IPO11: variants seen among roughly 807,000 people sequenced by gnomAD.
The protein encoded by IPO11 is importin 11.
In IPO11, 66 loss-of-function variants were observed where a neutral mutation model predicts 143.2. The observed-to-expected ratio is 0.46, with a 90% confidence interval of 0.38 to 0.57. The LOEUF is 0.57. IPO11 is among the 20% of genes least tolerant of loss of function. The pLI is 0.00. For missense variants in IPO11, 1,026 were observed against 1,141.0 expected (o/e 0.90, Z 1.45); for synonymous variants, 385 against 377.8 (o/e 1.02, Z -0.22).
At chr5:62,576,819 T>TA (rs1440051303) in intron 27 of IPO11, among the ~76,000 whole-genome samples, 1 of 152,242 alleles carries the variant, frequency 6.6e-6, no homozygotes. Context: ...GATGTATATT[T>TA]AAAAGAGCTA....
At chr5:62,607,218 A>T (rs1745755182) in intron 29 of IPO11, among the ~76,000 whole-genome samples, 1 of 152,184 alleles carries the variant, frequency 6.6e-6, no homozygotes, top group Non-Finnish European at 1.5e-5. Context: ...TTGGATCTAG[A>T]AGCTTTCTTT....
At position 62,435,216 on chromosome 5, in the gene IPO11, A is replaced by ATATG. The variant is rs1230582260; in HGVS notation, c.-6-2055_-6-2054insGTAT. Among the ~76,000 whole-genome samples the ATATG allele has an allele frequency of 1.0e-3, 148 of 142,432 alleles. 6 individuals are homozygous for ATATG. Among genetic ancestry groups the ATATG allele is most frequent in the African/African-American group, 3.7e-3 (137 of 37,490 alleles). The allele number at this position is 142,432 out of a possible 152,430, so 93.4% of individuals were successfully genotyped here. ...TATATATATGTATATATATGTGTAT[A>ATATG]TATATATATATCAGAGCAGCTGTAG... On this transcript the variant is annotated intron_variant, in intron 1 of 29. Coordinates refer to ENST00000325324, the MANE Select transcript of IPO11 (RefSeq NM_016338.5).
intron 1 of IPO11, among the ~76,000 whole-genome samples, chr5:62,413,993 A>T (rs765086312): frequency 2.7e-4 from 41 of 152,200 alleles, no homozygotes; most frequent in Non-Finnish European, 4.9e-4. Context: ...GCAGTAACCT[A>T]GCACAGGGTA....
intron 6 of IPO11, among the ~76,000 whole-genome samples, chr5:62,467,943 T>C (rs1745626822): frequency 6.6e-6 from 1 of 152,150 alleles, no homozygotes; most frequent in African/African-American, 2.4e-5. Flanking sequence ...TCTTTTTGTT[T>C]GTTTGTTTTT....
intron 16 of IPO11, among the ~76,000 whole-genome samples, chr5:62,495,963 C>T (rs1479342717): frequency 1.3e-5 from 2 of 151,982 alleles, no homozygotes; most frequent in South Asian, 2.1e-4. Flanking sequence ...TCAAATGGGC[C>T]TCTTAGTTAG....
intron 3 of IPO11, among the ~76,000 whole-genome samples, chr5:62,446,614 T>C (rs1480188165): frequency 6.6e-6 from 1 of 152,218 alleles, no homozygotes; most frequent in African/African-American, 2.4e-5. Context: ...TGGGTTATCT[T>C]ATTGATTTAT....
chr5:62,448,180 T>A (rs899381968), intron 3 of IPO11, among the ~76,000 whole-genome samples: 1 of 152,194 alleles, frequency 6.6e-6, no homozygotes, highest in Non-Finnish European at 1.5e-5. Flanking sequence ...AGTATGTTTT[T>A]TTTTTCAGTC....
At chr5:62,579,325 A>T in intron 27 of IPO11, 1 of 911,040 alleles carries the variant, frequency 1.1e-6, no homozygotes, top group Non-Finnish European at 1.7e-6. Context: ...AATAGAATAC[A>T]GAAGTTATAG....
intron 24 of IPO11, among the ~76,000 whole-genome samples, chr5:62,545,487 A>G (rs183159069): frequency 6.6e-6 from 1 of 152,382 alleles, no homozygotes; most frequent in African/African-American, 2.4e-5. Flanking sequence ...ACCTAAAACC[A>G]TAAAAACCCT....
At chr5:62,619,807 C>T (rs745960704) in intron 29 of IPO11, among the ~76,000 whole-genome samples, 4 of 151,330 alleles carry the variant, frequency 2.6e-5, no homozygotes, top group African/African-American at 9.7e-5. Flanking sequence ...TGAGCTGAGC[C>T]GAGATTGCGC....
chr5:62,511,687 A>C (rs1171416835), intron 19 of IPO11, among the ~76,000 whole-genome samples: 1 of 152,194 alleles, frequency 6.6e-6, no homozygotes, highest in Non-Finnish European at 1.5e-5. Context: ...TTTAATCCAG[A>C]TATTCAAGTA....
chr5:62,583,483 GA>G (rs1258004733), intron 27 of IPO11, among the ~76,000 whole-genome samples: 1 of 152,054 alleles, frequency 6.6e-6, no homozygotes, highest in Admixed American at 6.6e-5. Flanking sequence ...GCTTCTAATT[GA>G]TTTAGACTCA....
chr5:62,619,579 C>T (rs575827253), intron 29 of IPO11, among the ~76,000 whole-genome samples: 1 of 151,986 alleles, frequency 6.6e-6, no homozygotes, highest in Non-Finnish European at 1.5e-5. Context: ...ACAGGCCGGG[C>T]GTGGTGGCTC....
intron 19 of IPO11, among the ~76,000 whole-genome samples, chr5:62,509,366 ATT>A (rs1369450347): frequency 6.6e-6 from 1 of 152,172 alleles, no homozygotes; most frequent in Non-Finnish European, 1.5e-5. Flanking sequence ...TCATTAAAAC[ATT>A]TGTTAGATTG....
intron 1 of IPO11, among the ~76,000 whole-genome samples, chr5:62,415,620 C>T (rs1426335905): frequency 3.3e-5 from 5 of 151,974 alleles, no homozygotes; most frequent in Non-Finnish European, 7.4e-5. Context: ...CGGCATGCAC[C>T]GCCATGCCCA....
rs115987797 is a variant in IPO11 at position 62,588,744 on chromosome 5, A to T, written c.2583-2833A>T. Among the ~76,000 whole-genome samples the T allele has an allele frequency of 4.7e-3, 717 of 152,308 alleles. 7 individuals are homozygous for T. Among genetic ancestry groups the T allele is most frequent in the African/African-American group, 0.017 (693 of 41,562 alleles). On this transcript the variant is annotated intron_variant, in intron 27 of 29. Transcript: ENST00000325324. The stretch of plus-strand genomic sequence containing the variant: ...TGCCTGACTCAATTTCTCCATATGT[A>T]TATCTGCTTAGGGTGTAAAATATAG...
At chr5:62,439,766 G>T (rs1009836469) in intron 2 of IPO11, among the ~76,000 whole-genome samples, 2 of 152,068 alleles carry the variant, frequency 1.3e-5, no homozygotes, top group Non-Finnish European at 2.9e-5. Flanking sequence ...ATTTACAGTA[G>T]ATTAAAAAGC....
At chr5:62,435,336 C>T (rs2112127500) in intron 1 of IPO11, among the ~76,000 whole-genome samples, 1 of 150,668 alleles carries the variant, frequency 6.6e-6, no homozygotes, top group South Asian at 2.1e-4. Flanking sequence ...TGCCATGGCT[C>T]ATGCCTGTAA....
chr5:62,614,167 A>G (rs532136870), intron 29 of IPO11, among the ~76,000 whole-genome samples: 129 of 152,380 alleles, frequency 8.5e-4, no homozygotes, highest in African/African-American at 2.9e-3. Flanking sequence ...AGCTTTTGGT[A>G]TAGAAACTAT....
Sources: gnomAD v4.1 joint callset for allele counts (sites outside exome capture counted in the v4.1 genomes callset) on GRCh38, gnomAD v4.1.1 for gene constraint, MANE v1.5 for transcripts, NCBI Gene and HGNC (gene_info 2026-07-23, HGNC 2026-07-21) for gene names.